The following APOLD1 variants were observed in gnomAD, a reference collection of about 807,000 sequenced individuals.
The protein encoded by APOLD1 is apolipoprotein L domain containing 1.
A neutral mutation model predicts 15.3 loss-of-function variants in APOLD1; 22 were observed. That is an observed-to-expected ratio of 1.44 (90% confidence interval 1.03 to 2.05). The LOEUF is 2.05. Ranked by LOEUF, APOLD1 falls within the 30% of genes most tolerant of loss-of-function variation. The probability of loss-of-function intolerance (pLI) is 0.00; values close to 1 mark genes in which losing one functional copy is unlikely to be tolerated. For synonymous variants in APOLD1, 190 were observed against 167.4 expected (o/e 1.13, Z -1.04); for missense variants, 394 against 353.5 (o/e 1.11, Z -0.92).
intron 1 of APOLD1, among the ~76,000 whole-genome samples, chr12:12,765,440 A>G (rs887352671): frequency 2.0e-5 from 3 of 152,228 alleles, no homozygotes; most frequent in Non-Finnish European, 4.4e-5. Flanking sequence ...ATTTTGCATA[A>G]AAAGAAAGCA....
chr12:12,763,581 A>T (rs1565433198), intron 1 of APOLD1, among the ~76,000 whole-genome samples: 1 of 152,184 alleles, frequency 6.6e-6, no homozygotes, highest in African/African-American at 2.4e-5. Flanking sequence ...TATAATAACT[A>T]TGTAGCATTT....
chr12:12,767,712 C>T (rs1246869932), intron 1 of APOLD1, among the ~76,000 whole-genome samples: 1 of 151,944 alleles, frequency 6.6e-6, no homozygotes, highest in Non-Finnish European at 1.5e-5. Flanking sequence ...ATAGCACTTA[C>T]ATTGTATTAG....
chr12:12,738,111 C>T (rs926071736), intron 1 of APOLD1, among the ~76,000 whole-genome samples: 12 of 151,324 alleles, frequency 7.9e-5, no homozygotes, highest in African/African-American at 2.9e-4. Flanking sequence ...CATGTGTTCA[C>T]TATTTTATTA....
chr12:12,761,837 A>ATATATAT, intron 1 of APOLD1, among the ~76,000 whole-genome samples: 1 of 130,382 alleles, frequency 7.7e-6, no homozygotes, highest in African/African-American at 3.9e-5. Context: ...GTATAGAGAG[A>ATATATAT]GAGAGAGAGA....
chr12:12,780,839 T>C (rs117070400), upstream of APOLD1, among the ~76,000 whole-genome samples: 3,535 of 148,108 alleles, frequency 0.024, 70 homozygotes, highest in Non-Finnish European at 0.04. Context: ...TTCTTCCACC[T>C]CAGCCTCCCA....
intron 1 of APOLD1, among the ~76,000 whole-genome samples, chr12:12,745,263 C>T (rs187294225): frequency 5.2e-4 from 79 of 152,174 alleles, no homozygotes; most frequent in Non-Finnish European, 8.7e-4. Flanking sequence ...TGAAGAAGGC[C>T]GGGCGAGGTG....
intron 1 of APOLD1, among the ~76,000 whole-genome samples, chr12:12,727,967 T>G (rs1330470234): frequency 6.6e-6 from 1 of 151,232 alleles, no homozygotes; most frequent in African/African-American, 2.4e-5. Flanking sequence ...AATTAATTAA[T>G]TAATTAATTT....
At chr12:12,770,780 T>TAAA (rs59764569) in intron 1 of APOLD1, among the ~76,000 whole-genome samples, 10 of 142,498 alleles carry the variant, frequency 7.0e-5, no homozygotes, top group African/African-American at 1.5e-4. Context: ...GAATACATGT[T>TAAA]AAAAAAAAAA....
chr12:12,731,647 T>C (rs962536692), intron 1 of APOLD1, among the ~76,000 whole-genome samples: 1 of 152,264 alleles, frequency 6.6e-6, no homozygotes, highest in African/African-American at 2.4e-5. Context: ...AAAGAAAATA[T>C]GAAAGGCTTT....
chr12:12,778,436 C>T (rs1000526099), intron 1 of APOLD1, among the ~76,000 whole-genome samples: 2 of 152,024 alleles, frequency 1.3e-5, no homozygotes, highest in African/African-American at 4.8e-5. Context: ...CCTCCCACCT[C>T]AGCCTCCCAA....
At chr12:12,761,481 T>C (rs1034304787) in intron 1 of APOLD1, among the ~76,000 whole-genome samples, 1 of 152,066 alleles carries the variant, frequency 6.6e-6, no homozygotes, top group Non-Finnish European at 1.5e-5. Context: ...GGAAAGAAAA[T>C]ATTTATCAAA....
At position 12,787,886 on chromosome 12, in the gene APOLD1, C is replaced by A; in HGVS notation, c.*234C>A. ...AGTCTTCCTAGTGGAAAAATGTGAC[C>A]CAAAAACTCTTTTTCCTTTATCAAA... On this transcript the variant is annotated 3_prime_UTR_variant, in exon 2 of 2. Transcript: ENST00000356591. This position sits in a 1 kb window ranked among gnomAD's most constrained non-coding sequence, Gnocchi z 4.9. 1.8e-6 allele frequency: 1 copy of A among 551,136 alleles called. No homozygotes were observed. The highest frequency in any genetic ancestry group is 3.0e-6 in the Non-Finnish European group (1 of 329,226). The allele number at this position is 551,136 out of a possible 1,614,324, so 34.1% of individuals were successfully genotyped here. A position where few individuals can be genotyped will look rare whatever the true frequency, so the allele number is the denominator to read the frequency against.
At chr12:12,777,923 T>TTG (rs1947049602) in intron 1 of APOLD1, among the ~76,000 whole-genome samples, 6 of 121,618 alleles carry the variant, frequency 4.9e-5, no homozygotes, top group African/African-American at 1.7e-4. Context: ...TTTTTTTTTT[T>TTG]TTGTTGTTGT....
chr12:12,736,403 TG>T (rs1413235994), intron 1 of APOLD1, among the ~76,000 whole-genome samples: 1 of 151,644 alleles, frequency 6.6e-6, no homozygotes, highest in Non-Finnish European at 1.5e-5. Context: ...GGTGTGCACC[TG>T]TAGTCCCAGC....
chr12:12,778,134 T>C (rs1045675653), intron 1 of APOLD1, among the ~76,000 whole-genome samples: 1 of 151,822 alleles, frequency 6.6e-6, no homozygotes, highest in African/African-American at 2.4e-5. Flanking sequence ...GGTTTTGCCA[T>C]GTTCCCCAGG....
intron 1 of APOLD1, among the ~76,000 whole-genome samples, chr12:12,765,153 T>C (rs1228812538): frequency 6.6e-6 from 1 of 152,164 alleles, no homozygotes; most frequent in Non-Finnish European, 1.5e-5. Flanking sequence ...CTGCTTCTGA[T>C]GAAGGGCTCA....
chr12:12,751,571 A>T (rs1437915142), intron 1 of APOLD1, among the ~76,000 whole-genome samples: 1 of 152,150 alleles, frequency 6.6e-6, no homozygotes, highest in Non-Finnish European at 1.5e-5. Flanking sequence ...GGCTGGTCTG[A>T]AACTCCTGGC....
intron 1 of APOLD1, among the ~76,000 whole-genome samples, chr12:12,726,636 T>C (rs34322): frequency 0.5 from 76,268 of 151,930 alleles, 19,457 homozygotes; most frequent in Non-Finnish European, 0.54. Context: ...ATCGGACGAG[T>C]TTAACCAGAT....
chr12:12,782,402 G>T (rs1203843099), upstream of APOLD1, among the ~76,000 whole-genome samples: 1 of 152,160 alleles, frequency 6.6e-6, no homozygotes, highest in African/African-American at 2.4e-5. Context: ...TCCAGGGCTG[G>T]GGCCTGAAGA....
Sources: gnomAD v4.1 joint callset for allele counts (sites outside exome capture counted in the v4.1 genomes callset) on GRCh38, gnomAD v4.1.1 for gene constraint, Gnocchi (gnomAD v3.1) non-coding constraint, MANE v1.5 for transcripts, NCBI Gene and HGNC (gene_info 2026-07-23, HGNC 2026-07-21) for gene names.